TP53BP2: variants seen among roughly 807,000 people sequenced by gnomAD.
TP53BP2 encodes the protein tumor protein p53 binding protein 2.
In TP53BP2, 62 loss-of-function variants were observed where a neutral mutation model predicts 126.2. The ratio of observed to expected loss-of-function variants is 0.49; its 90% CI spans 0.40 to 0.61. TP53BP2 has a LOEUF of 0.61. TP53BP2 is among the 20% of genes least tolerant of loss of function. The pLI is 0.00. For missense variants in TP53BP2, 1,215 were observed against 1,402.8 expected, an observed-to-expected ratio of 0.87 and a Z score of 2.14; for synonymous variants, 485 against 502.9, an observed-to-expected ratio of 0.96 and a Z score of 0.48.
chr1:223,786,457 C>A (rs1382311295), intron 16 of TP53BP2, among the ~76,000 whole-genome samples: 1 of 151,990 alleles, frequency 6.6e-6, no homozygotes, highest in Non-Finnish European at 1.5e-5. Flanking sequence ...AAGAATCTGA[C>A]CAAATATCCC....
intron 13 of TP53BP2, among the ~76,000 whole-genome samples, chr1:223,793,920 C>G (rs1250826299): frequency 1.3e-5 from 2 of 152,138 alleles, no homozygotes; most frequent in Non-Finnish European, 2.9e-5. Context: ...CTCACAAAAA[C>G]CCTATGATCC....
At chr1:223,841,015 G>T (rs546908252) in intron 1 of TP53BP2, among the ~76,000 whole-genome samples, 66 of 152,336 alleles carry the variant, frequency 4.3e-4, no homozygotes, top group African/African-American at 1.5e-3. Flanking sequence ...CACTTTGGGA[G>T]GCCGAGGCTA....
intron 2 of TP53BP2, among the ~76,000 whole-genome samples, chr1:223,820,141 G>C (rs1663249367): frequency 6.6e-6 from 1 of 152,208 alleles, no homozygotes; most frequent in South Asian, 2.1e-4. Flanking sequence ...AGTATCTGGA[G>C]ACAGAGCAAT....
At chr1:223,845,626 C>G (rs763472290) in intron 1 of TP53BP2, 28 bp downstream of exon 1, 1 of 1,544,386 alleles carries the variant, frequency 6.5e-7, no homozygotes, top group Admixed American at 1.9e-5. Flanking sequence ...ACTTCCGGGC[C>G]CGACGCCCTG....
chr1:223,842,619 T>C (rs1664139801), intron 1 of TP53BP2, among the ~76,000 whole-genome samples: 1 of 152,274 alleles, frequency 6.6e-6, no homozygotes, highest in Non-Finnish European at 1.5e-5. Flanking sequence ...AAAATTTTTA[T>C]GAAACTATCA....
rs536474172 is a variant in TP53BP2 at position 223,802,762 on chromosome 1, T to C, written c.965A>G (p.Lys322Arg). ...NELRDRLWKKKAALQQKENLP... is the reference protein window; with the variant it reads ...NELRDRLWKKRAALQQKENLP... ...ATTTTCTTTTTGCTGTAGAGCTGCC[T>C]TCTTCTTCCACAGCCGGTCCCTCAG... Residue 322 changes from lysine to arginine, a missense_variant, in exon 8 of 18, where the codon AAG (lysine) becomes AGG (arginine). Physicochemically the swap from Lys to Arg is conservative, Grantham distance 26. This residue lies in a region of TP53BP2 where 814 missense variants were observed against 853.0 expected (regional missense o/e 0.95). Transcript: ENST00000343537. 1.9e-6 allele frequency: 3 copies of C among 1,614,176 alleles called. No homozygotes were observed. In the South Asian group the frequency reaches 3.3e-5, roughly 18 times the overall value.
At chr1:223,822,397 G>A (rs61823581) in intron 1 of TP53BP2, among the ~76,000 whole-genome samples, 14,517 of 152,106 alleles carry the variant, frequency 0.095, 767 homozygotes, top group African/African-American at 0.14. Flanking sequence ...TGGGTGTAGT[G>A]GCCTACACCT....
At chr1:223,823,264 T>C (rs1663375967) in intron 1 of TP53BP2, among the ~76,000 whole-genome samples, 1 of 152,104 alleles carries the variant, frequency 6.6e-6, no homozygotes, top group South Asian at 2.1e-4. Context: ...AGATGTTGCT[T>C]GGGAAAAGGC....
At chr1:223,811,131 C>T (rs3767709) in intron 3 of TP53BP2, among the ~76,000 whole-genome samples, 17,280 of 152,056 alleles carry the variant, frequency 0.11, 1,245 homozygotes, top group East Asian at 0.21. Context: ...ATATATTCTG[C>T]TTTTTTGGCT....
chr1:223,814,350 C>T lies in TP53BP2; in HGVS notation c.179G>A (p.Arg60His), dbSNP rs747514597. 1.7e-5 allele frequency: 28 copies of T among 1,608,664 alleles called. No individual in the cohort carries two copies. The East Asian group carries it at 5.6e-4, about 32-fold the overall frequency. ...CATTCGCTCATTATCCGCAACTGGACGTTCTAAAGCAAATGAGTAGAAACC... is the reference window on the plus strand; with the variant it reads ...CATTCGCTCATTATCCGCAACTGGATGTTCTAAAGCAAATGAGTAGAAACC... ...HLAEVWCGSE[R>H]PVADNERMFD... Residue 60 changes from arginine to histidine, a missense_variant, in exon 3 of 18, where the codon CGT (arginine) becomes CAT (histidine). Physicochemically the swap from Arg to His is conservative, Grantham distance 29. Around this residue, in one of 4 missense-constraint regions of TP53BP2, gnomAD observed 814 missense variants for 853.0 expected, o/e 0.95. Transcript: ENST00000343537.
chr1:223,806,161 A>T (rs933759592), intron 5 of TP53BP2, among the ~76,000 whole-genome samples: 6 of 152,196 alleles, frequency 3.9e-5, no homozygotes, highest in African/African-American at 1.4e-4. Flanking sequence ...CTGATCCAAG[A>T]TTAATCTATG....
rs564521057 is a variant in TP53BP2 at position 223,810,041 on chromosome 1, G to C, written c.372+390C>G. On this transcript the variant is annotated intron_variant, in intron 4 of 17. Coordinates refer to ENST00000343537, the MANE Select transcript of TP53BP2 (RefSeq NM_001031685.3). ...GGGTTTCTCCATGTTGGTCAGACTG[G>C]TTTTGAACTCCTGACCTCAGGTGAG... 2.6e-5 allele frequency among the ~76,000 whole-genome samples: 4 copies of C among 152,218 alleles called. No homozygotes were observed. The South Asian group carries it at 8.3e-4, about 32-fold the overall frequency.
intron 1 of TP53BP2, 101 bp from the exon 2 acceptor site, chr1:223,821,468 AAACGTAC>A: frequency 6.7e-7 from 1 of 1,484,992 alleles, no homozygotes; most frequent in Non-Finnish European, 9.4e-7. Context: ...TTGGAAGTGC[AAACGTAC>A]AACAGAACAG....
At position 223,799,966 on chromosome 1, in the gene TP53BP2, T is replaced by C. The variant is rs143558667; in HGVS notation, c.1418A>G (p.Asn473Ser). 2.1e-5 allele frequency: 34 copies of C among 1,613,474 alleles called. No homozygotes were observed. The highest frequency in any genetic ancestry group is 1.6e-4 in the Middle Eastern group (1 of 6,084). The change falls in exon 11 of 18, where the codon AAT becomes AGT. Residue 473 changes from asparagine to serine, a missense_variant. By Grantham distance (46) the Asn-to-Ser change is conservative (BLOSUM62 1). This residue lies in a region of TP53BP2 where 814 missense variants were observed against 853.0 expected (regional missense o/e 0.95). Coordinates refer to ENST00000343537, the MANE Select transcript of TP53BP2 (RefSeq NM_001031685.3). ...FSMFDAVDQS[N>S]APPSFGTLRK... ...CAGAGTACCAAAGGAAGGTGGGGCA[T>C]TGGACTGGTCTACTGCATCAAACAT...
intron 12 of TP53BP2, 31 bp downstream of exon 12, chr1:223,798,184 G>GC (rs775438405): frequency 5.1e-6 from 8 of 1,581,746 alleles, no homozygotes; most frequent in Non-Finnish European, 6.9e-6. Context: ...TAGAACTTAA[G>GC]CACGTCACCT....
intron 17 of TP53BP2, among the ~76,000 whole-genome samples, chr1:223,783,298 G>C (rs1358612020): frequency 1.3e-5 from 2 of 152,250 alleles, no homozygotes; most frequent in Admixed American, 6.5e-5. Flanking sequence ...AACAGGTGCT[G>C]CAGATGGAGC....
intron 2 of TP53BP2, among the ~76,000 whole-genome samples, chr1:223,815,821 C>T (rs149274548): frequency 1.3e-5 from 2 of 151,368 alleles, no homozygotes; most frequent in Non-Finnish European, 2.9e-5. Flanking sequence ...ATATGTACCA[C>T]TGTGTTACAA....
intron 1 of TP53BP2, among the ~76,000 whole-genome samples, chr1:223,841,398 T>G (rs1323270370): frequency 2.6e-5 from 4 of 152,328 alleles, no homozygotes; most frequent in South Asian, 2.1e-4. Flanking sequence ...TAAAGCCTGA[T>G]CTAAGCTAAT....
intron 1 of TP53BP2, among the ~76,000 whole-genome samples, chr1:223,822,680 A>C (rs1051733051): frequency 2.6e-5 from 4 of 152,016 alleles, no homozygotes; most frequent in Admixed American, 6.5e-5. Flanking sequence ...AAAACAACAA[A>C]AAAACCTAAC....
Sources: gnomAD v4.1 joint callset for allele counts (sites outside exome capture counted in the v4.1 genomes callset) on GRCh38, gnomAD v4.1.1 for gene constraint, gnomAD v4.1.1 regional missense constraint, MANE v1.5 for transcripts, NCBI Gene and HGNC (gene_info 2026-07-23, HGNC 2026-07-21) for gene names.